The following CELF4 variants were observed in gnomAD, a reference collection of about 807,000 sequenced individuals.
CELF4 encodes CUG-BP- and ETR-3-like factor 4.
A neutral mutation model predicts 59.9 loss-of-function variants in CELF4; 18 were observed. The observed-to-expected ratio is 0.30, with a 90% CI of 0.21 to 0.45. CELF4 has a LOEUF of 0.45. CELF4 is among the 20% of genes least tolerant of loss of function. The probability of loss-of-function intolerance (pLI) is 1.00; values close to 1 mark genes in which losing one functional copy is unlikely to be tolerated. For synonymous variants in CELF4, 261 were observed against 267.1 expected, an observed-to-expected ratio of 0.98 and a Z score of 0.22; for missense variants, 456 against 689.0, an observed-to-expected ratio of 0.66 and a Z score of 3.79.
chr18:37,455,838 C>T (rs1218780539), intron 2 of CELF4, among the ~76,000 whole-genome samples: 1 of 152,184 alleles, frequency 6.6e-6, no homozygotes, highest in African/African-American at 2.4e-5. Context: ...GAGAGGTCTC[C>T]TCACCCTGAT....
intron 1 of CELF4, among the ~76,000 whole-genome samples, chr18:37,559,199 C>T (rs2099985792): frequency 6.6e-6 from 1 of 152,032 alleles, no homozygotes; most frequent in African/African-American, 2.4e-5. Flanking sequence ...TTCTCCTTTT[C>T]TCCTTCACCC....
chr18:37,337,569 G>C (rs962170453), intron 2 of CELF4, among the ~76,000 whole-genome samples: 19 of 152,110 alleles, frequency 1.2e-4, no homozygotes, highest in Non-Finnish European at 2.2e-4. Flanking sequence ...GCATGTTCCG[G>C]AGGGCCTGCG....
intron 1 of CELF4, among the ~76,000 whole-genome samples, chr18:37,527,523 C>T (rs1212449945): frequency 2.0e-5 from 3 of 152,136 alleles, no homozygotes; most frequent in Non-Finnish European, 4.4e-5. Context: ...CCACAAAGAA[C>T]TCTACTTAGT....
chr18:37,524,833 A>C (rs2154604810), intron 1 of CELF4, among the ~76,000 whole-genome samples: 1 of 152,162 alleles, frequency 6.6e-6, no homozygotes, highest in East Asian at 1.9e-4. Context: ...GGCTCCCGGC[A>C]GCGACCGCAG....
At chr18:37,417,942 C>T (rs543961929) in intron 2 of CELF4, among the ~76,000 whole-genome samples, 45 of 152,218 alleles carry the variant, frequency 3.0e-4, no homozygotes, top group Non-Finnish European at 5.9e-4. Context: ...TTGGGGTCAA[C>T]TGAGCTTCAA....
intron 9 of CELF4, among the ~76,000 whole-genome samples, chr18:37,264,970 G>A (rs1228525262): frequency 6.6e-6 from 1 of 151,570 alleles, no homozygotes; most frequent in African/African-American, 2.4e-5. Flanking sequence ...GTGTGTACGT[G>A]TGTGTGTGCG....
intron 1 of CELF4, among the ~76,000 whole-genome samples, chr18:37,536,544 G>T (rs1182336318): frequency 6.6e-6 from 1 of 152,190 alleles, no homozygotes; most frequent in South Asian, 2.1e-4. Context: ...TTTTCTCCAC[G>T]TTTTTGCCTA....
chr18:37,277,840 C>T (rs2093576507), intron 3 of CELF4, among the ~76,000 whole-genome samples: 1 of 152,096 alleles, frequency 6.6e-6, no homozygotes, highest in Non-Finnish European at 1.5e-5. Flanking sequence ...GAAATGGAAC[C>T]CCGCCCCTGC....
At chr18:37,455,200 G>A (rs1467128159) in intron 2 of CELF4, among the ~76,000 whole-genome samples, 2 of 152,232 alleles carry the variant, frequency 1.3e-5, no homozygotes, top group Non-Finnish European at 2.9e-5. Flanking sequence ...GGTGGGAGGA[G>A]CGGATGGGAA....
At chr18:37,482,960 CT>C (rs1296433659) in intron 2 of CELF4, among the ~76,000 whole-genome samples, 1 of 151,926 alleles carries the variant, frequency 6.6e-6, no homozygotes, top group Non-Finnish European at 1.5e-5. Context: ...TTTCCAGGTT[CT>C]TTTTTTTCAA....
intron 3 of CELF4, chr18:37,276,262 G>A (rs917825445): frequency 8.5e-5 from 13 of 152,318 alleles, no homozygotes; most frequent in South Asian, 4.1e-4. Context: ...TCCACCTGCA[G>A]CAGCTGGTGA....
intron 12 of CELF4, among the ~76,000 whole-genome samples, chr18:37,251,217 G>A (rs958471200): frequency 8.4e-6 from 1 of 118,346 alleles, no homozygotes; most frequent in East Asian, 2.3e-4. Flanking sequence ...GTTACTTCTC[G>A]GAGCAGTGCC....
intron 12 of CELF4, chr18:37,247,578 C>T (rs963611363): frequency 6.6e-6 from 1 of 152,298 alleles, no homozygotes; most frequent in East Asian, 1.9e-4. Flanking sequence ...CTGAAAAGAA[C>T]TCAAAGGATG....
At chr18:37,526,684 A>C (rs1048264959) in intron 1 of CELF4, among the ~76,000 whole-genome samples, 3 of 152,202 alleles carry the variant, frequency 2.0e-5, no homozygotes, top group Non-Finnish European at 4.4e-5. Context: ...GTTAGGTTTA[A>C]AATGCAAACT....
intron 2 of CELF4, among the ~76,000 whole-genome samples, chr18:37,394,134 G>A (rs890884978): frequency 1.3e-5 from 2 of 152,150 alleles, no homozygotes; most frequent in Non-Finnish European, 1.5e-5. Context: ...CGGCCCGACG[G>A]GGGCGGGGCA....
chr18:37,444,372 G>C (rs957048153), intron 2 of CELF4, among the ~76,000 whole-genome samples: 5 of 152,104 alleles, frequency 3.3e-5, no homozygotes, highest in African/African-American at 1.2e-4. Flanking sequence ...AGCTGTGTCT[G>C]GACGCTTTGA....
At chr18:37,462,173 G>T (rs971144025) in intron 2 of CELF4, among the ~76,000 whole-genome samples, 1 of 152,068 alleles carries the variant, frequency 6.6e-6, no homozygotes, top group African/African-American at 2.4e-5. Flanking sequence ...ATGATCTGGG[G>T]GTTGCCCCTG....
chr18:37,375,435 T>A (rs570369338), intron 2 of CELF4, among the ~76,000 whole-genome samples: 2 of 152,126 alleles, frequency 1.3e-5, no homozygotes, highest in East Asian at 3.9e-4. Flanking sequence ...CAGGGACACA[T>A]CCTAGGGAGC....
intron 1 of CELF4, among the ~76,000 whole-genome samples, chr18:37,514,218 G>T (rs1223797039): frequency 6.6e-6 from 1 of 152,036 alleles, no homozygotes; most frequent in African/African-American, 2.4e-5. Flanking sequence ...AAGGTAATCT[G>T]CTCCACTTCT....
Sources: gnomAD v4.1 joint callset for allele counts (sites outside exome capture counted in the v4.1 genomes callset) on GRCh38, gnomAD v4.1.1 for gene constraint, MANE v1.5 for transcripts, NCBI Gene and HGNC (gene_info 2026-07-23, HGNC 2026-07-21) for gene names.